Variants in ZNF521 observed in about 807,000 individuals in gnomAD.
The protein encoded by ZNF521 is LYST-interacting protein 3.
A neutral mutation model predicts 105.5 loss-of-function variants in ZNF521; 14 were observed. The observed-to-expected ratio is 0.13, with a 90% CI of 0.09 to 0.21. The LOEUF is 0.21. ZNF521 is among the 10% of genes least tolerant of loss of function. The pLI is 1.00. For synonymous variants in ZNF521, 635 were observed against 606.0 expected (o/e 1.05, Z -0.70); for missense variants, 1,233 against 1,629.7 (o/e 0.76, Z 4.19).
chr18:25,215,740 C>T (rs925554738), intron 4 of ZNF521, among the ~76,000 whole-genome samples: 1 of 152,146 alleles, frequency 6.6e-6, no homozygotes, highest in African/African-American at 2.4e-5. Flanking sequence ...ATGGTAGATG[C>T]AGCAAATTCA....
intron 5 of ZNF521, among the ~76,000 whole-genome samples, chr18:25,125,237 A>C (rs1190334824): frequency 1.3e-5 from 2 of 152,146 alleles, no homozygotes; most frequent in Non-Finnish European, 2.9e-5. Context: ...AATATGATAG[A>C]CAATAATCCA....
intron 3 of ZNF521, among the ~76,000 whole-genome samples, chr18:25,240,527 A>T (rs1907242376): frequency 6.6e-6 from 1 of 152,186 alleles, no homozygotes; most frequent in African/African-American, 2.4e-5. Flanking sequence ...TCAGAAGCAT[A>T]CGCAGCACGC....
chr18:25,235,130 AC>A (rs1906799936), intron 3 of ZNF521, among the ~76,000 whole-genome samples: 2 of 152,240 alleles, frequency 1.3e-5, no homozygotes, highest in African/African-American at 4.8e-5. Context: ...AGTCCACACA[AC>A]GAAAGGGCCT....
intron 5 of ZNF521, among the ~76,000 whole-genome samples, chr18:25,142,611 T>C (rs1341102681): frequency 6.6e-6 from 1 of 152,034 alleles, no homozygotes; most frequent in Admixed American, 6.6e-5. Context: ...TCTTAGAATA[T>C]CTAAGCAATG....
intron 2 of ZNF521, among the ~76,000 whole-genome samples, chr18:25,323,962 T>C (rs1913070665): frequency 6.6e-6 from 1 of 151,624 alleles, no homozygotes. Context: ...AAAGAGCACG[T>C]AGTTTTGTTT....
At chr18:25,347,415 A>G (rs150539212) in intron 2 of ZNF521, among the ~76,000 whole-genome samples, 67 of 152,306 alleles carry the variant, frequency 4.4e-4, no homozygotes, top group African/African-American at 1.6e-3. Flanking sequence ...AGGGCTTTGA[A>G]AGGCAGGAGG....
intron 7 of ZNF521, among the ~76,000 whole-genome samples, chr18:25,080,624 G>T (rs1484987905): frequency 6.6e-6 from 1 of 152,190 alleles, no homozygotes; most frequent in Admixed American, 6.5e-5. Flanking sequence ...GCTGTCCGAG[G>T]GATCGCCACA....
At chr18:25,282,112 G>T (rs904816872) in intron 3 of ZNF521, among the ~76,000 whole-genome samples, 1 of 152,132 alleles carries the variant, frequency 6.6e-6, no homozygotes, top group Middle Eastern at 3.4e-3. Flanking sequence ...GAATCCAAGG[G>T]TTCCAAAAAA....
At chr18:25,217,559 G>A (rs1009506961) in intron 4 of ZNF521, among the ~76,000 whole-genome samples, 6 of 152,184 alleles carry the variant, frequency 3.9e-5, no homozygotes, top group African/African-American at 7.2e-5. Context: ...TTCAGACAAA[G>A]GTTTCCTGGA....
intron 5 of ZNF521, among the ~76,000 whole-genome samples, chr18:25,125,723 CTT>C (rs34007183): frequency 0.29 from 41,982 of 146,944 alleles, 6,120 homozygotes; most frequent in Non-Finnish European, 0.34. Context: ...TTCAAAACTG[CTT>C]TTTTTTTTTT....
At chr18:25,324,812 C>T (rs949057278) in intron 2 of ZNF521, among the ~76,000 whole-genome samples, 2 of 152,268 alleles carry the variant, frequency 1.3e-5, no homozygotes, top group East Asian at 1.9e-4. Context: ...AATCCAATAT[C>T]AAAAATACAA....
rs75436656 is a variant in ZNF521 at position 25,151,145 on chromosome 18, C to T, written c.3658+44015G>A. ...TAAAATCTGTTCAAAGCCTCTTCAT[C>T]GCCCTAAAAATAAAACCCAACTTCC... On this transcript the variant is annotated intron_variant, in intron 5 of 7. Coordinates refer to ENST00000361524, the MANE Select transcript of ZNF521 (RefSeq NM_015461.3). 4.2e-3 allele frequency among the ~76,000 whole-genome samples: 637 copies of T among 152,138 alleles called. 4 individuals carry two copies. Among genetic ancestry groups the T allele is most frequent in the Non-Finnish European group, 4.5e-3 (305 of 67,996 alleles).
chr18:25,214,955 G>C (rs1205586645), intron 4 of ZNF521, among the ~76,000 whole-genome samples: 1 of 152,112 alleles, frequency 6.6e-6, no homozygotes, highest in African/African-American at 2.4e-5. Context: ...CAGGCAGAAT[G>C]ACGAGGCGAA....
intron 2 of ZNF521, among the ~76,000 whole-genome samples, chr18:25,341,718 C>T (rs534910681): frequency 8.5e-5 from 13 of 152,296 alleles, no homozygotes; most frequent in Admixed American, 2.0e-4. Flanking sequence ...TCATCTGACC[C>T]AACTCACAGA....
At chr18:25,249,142 ACTTT>A (rs1019646435) in intron 3 of ZNF521, among the ~76,000 whole-genome samples, 3 of 150,320 alleles carry the variant, frequency 2.0e-5, no homozygotes, top group African/African-American at 7.3e-5. Flanking sequence ...ATACCTCTTT[ACTTT>A]CTTTTTTTTT....
chr18:25,110,920 G>A (rs1228681819), intron 5 of ZNF521, among the ~76,000 whole-genome samples: 2 of 151,694 alleles, frequency 1.3e-5, no homozygotes, highest in Non-Finnish European at 2.9e-5. Flanking sequence ...CCGCCACCAC[G>A]CCTGGCTAAT....
rs796882410 is a variant in ZNF521 at position 25,150,887 on chromosome 18, T to C, written c.3658+44273A>G. 1.2e-3 allele frequency among the ~76,000 whole-genome samples: 162 copies of C among 137,334 alleles called. 1 individual carries two copies. The highest frequency in any genetic ancestry group is 3.7e-3 in the African/African-American group (141 of 38,592). 90.1% of individuals were successfully genotyped at this position (137,334 alleles called of 152,430 possible). A position where few individuals can be genotyped will look rare whatever the true frequency, so the allele number is the denominator to read the frequency against. ...CTGGCTCCAGCTCTTTTTTTTTCTT[T>C]TTTCTTTTTTTTTTTTTTTGAGACA... On this transcript the variant is annotated intron_variant, in intron 5 of 7. Coordinates refer to ENST00000361524, the MANE Select transcript of ZNF521 (RefSeq NM_015461.3).
At chr18:25,199,967 T>C (rs1187281896) in intron 4 of ZNF521, among the ~76,000 whole-genome samples, 5 of 152,150 alleles carry the variant, frequency 3.3e-5, no homozygotes, top group East Asian at 1.9e-4. Flanking sequence ...AAAGAACTTG[T>C]ATGTAAAAAA....
chr18:25,099,461 C>G (rs2033921517), intron 5 of ZNF521, among the ~76,000 whole-genome samples: 1 of 152,144 alleles, frequency 6.6e-6, no homozygotes, highest in African/African-American at 2.4e-5. Context: ...GCCAACTTAT[C>G]CCTGGCAAGA....
Sources: allele counts gnomAD v4.1 joint callset (sites outside exome capture counted in the v4.1 genomes callset), GRCh38; gene constraint gnomAD v4.1.1; transcripts MANE v1.5; gene names NCBI Gene and HGNC (gene_info 2026-07-23, HGNC 2026-07-21).